FAT3: variants seen among roughly 807,000 people sequenced by gnomAD.
FAT3 encodes protocadherin Fat 3.
Under a neutral mutation model 310.2 loss-of-function variants are expected in FAT3, and 95 were observed. The ratio of observed to expected loss-of-function variants is 0.31; its 90% CI spans 0.26 to 0.36. The LOEUF (loss-of-function observed/expected upper bound fraction) is 0.36. Among genes scored for constraint, FAT3 ranks in the 10% least tolerant of loss-of-function variants. FAT3 has a pLI of 1.00. For missense variants in FAT3, 5,408 were observed against 5,715.6 expected, an observed-to-expected ratio of 0.95 and a Z score of 1.74; for synonymous variants, 2,314 against 2,192.9, an observed-to-expected ratio of 1.06 and a Z score of -1.54.
At chr11:92,665,149 A>G (rs1323106020) in intron 3 of FAT3, among the ~76,000 whole-genome samples, 1 of 152,196 alleles carries the variant, frequency 6.6e-6, no homozygotes. Context: ...AAGAGGTTAG[A>G]AGAATCTCTG....
At chr11:92,705,776 G>GGTGGT (rs1944311060) in intron 4 of FAT3, among the ~76,000 whole-genome samples, 1 of 2,970 alleles carries the variant, frequency 3.4e-4, no homozygotes, top group Non-Finnish European at 6.9e-4. Flanking sequence ...TGATGGTGGT[G>GGTGGT]GTGATGGTGG....
At chr11:92,385,769 G>GT (rs1949605750) in intron 2 of FAT3, among the ~76,000 whole-genome samples, 1 of 152,286 alleles carries the variant, frequency 6.6e-6, no homozygotes, top group East Asian at 1.9e-4. Context: ...TGGTCAGCCA[G>GT]TTTTTTACCT....
intron 2 of FAT3, among the ~76,000 whole-genome samples, chr11:92,496,083 C>A (rs866152790): frequency 6.6e-6 from 1 of 151,972 alleles, no homozygotes; most frequent in Non-Finnish European, 1.5e-5. Flanking sequence ...ATCTGTTGTG[C>A]GCATTTGGGT....
At chr11:92,482,241 A>G (rs953264785) in intron 2 of FAT3, among the ~76,000 whole-genome samples, 5 of 152,278 alleles carry the variant, frequency 3.3e-5, no homozygotes, top group Admixed American at 6.5e-5. Context: ...CATTATTACA[A>G]TGAATAGTCT....
At chr11:92,413,265 G>A in intron 2 of FAT3, among the ~76,000 whole-genome samples, 1 of 152,094 alleles carries the variant, frequency 6.6e-6, no homozygotes, top group East Asian at 1.9e-4. Flanking sequence ...CAGACAAGTG[G>A]GGCCCATGAT....
intron 2 of FAT3, among the ~76,000 whole-genome samples, chr11:92,486,168 A>G (rs1472797457): frequency 3.1e-5 from 1 of 31,852 alleles, no homozygotes; most frequent in African/African-American, 1.2e-4. Flanking sequence ...TGGTAGACTC[A>G]TCTTTGTTTT....
chr11:92,416,989 T>C (rs1565299953), intron 2 of FAT3, among the ~76,000 whole-genome samples: 1 of 152,206 alleles, frequency 6.6e-6, no homozygotes, highest in East Asian at 1.9e-4. Context: ...CTTTGGAAAA[T>C]ACCAGTCAGA....
At chr11:92,433,137 G>A (rs1950835155) in intron 2 of FAT3, among the ~76,000 whole-genome samples, 1 of 152,186 alleles carries the variant, frequency 6.6e-6, no homozygotes, top group African/African-American at 2.4e-5. Context: ...CTGACAGCGA[G>A]AATTTCAAGG....
intron 3 of FAT3, among the ~76,000 whole-genome samples, chr11:92,532,188 A>G (rs1954103380): frequency 6.6e-6 from 1 of 152,136 alleles, no homozygotes; most frequent in Non-Finnish European, 1.5e-5. Context: ...AATATTATTA[A>G]TAATAAAATG....
chr11:92,231,218 C>T (rs1870294), intron 1 of FAT3, among the ~76,000 whole-genome samples: 152,102 of 152,310 alleles, frequency 1, 75,948 homozygotes, highest in Non-Finnish European at 1. Flanking sequence ...GTTTGAGACT[C>T]AGTTATGAAT....
chr11:92,404,201 A>G (rs1338196976), intron 2 of FAT3, among the ~76,000 whole-genome samples: 1 of 152,120 alleles, frequency 6.6e-6, no homozygotes, highest in Non-Finnish European at 1.5e-5. Flanking sequence ...CAGTCCCTAC[A>G]CTACCACAGA....
intron 18 of FAT3, among the ~76,000 whole-genome samples, chr11:92,841,670 A>G: frequency 6.6e-6 from 1 of 152,196 alleles, no homozygotes; most frequent in East Asian, 1.9e-4. Flanking sequence ...AGAAACTAGG[A>G]CAGTTTGCCT....
intron 3 of FAT3, among the ~76,000 whole-genome samples, chr11:92,554,736 G>C (rs1180725892): frequency 6.6e-6 from 1 of 152,048 alleles, no homozygotes; most frequent in African/African-American, 2.4e-5. Context: ...ATACATGCTG[G>C]TTACAGGCAA....
intron 3 of FAT3, among the ~76,000 whole-genome samples, chr11:92,626,478 T>C (rs1306978172): frequency 5.9e-5 from 9 of 152,104 alleles, no homozygotes; most frequent in Admixed American, 6.6e-5. Flanking sequence ...TCTCTTTTTT[T>C]TTTTTTCCCT....
chr11:92,645,003 T>G (rs577266225), intron 3 of FAT3, among the ~76,000 whole-genome samples: 1 of 152,298 alleles, frequency 6.6e-6, no homozygotes, highest in East Asian at 1.9e-4. Context: ...TGTCAGCACT[T>G]TCCTCTAACA....
rs2136413818 is a variant in FAT3, at chr11:92,883,099, A to G, written c.12643A>G (p.Ser4215Gly). The G allele has an allele frequency of 6.2e-7, 1 of 1,613,814 alleles. No homozygotes were observed. Among genetic ancestry groups the G allele is most frequent in the Non-Finnish European group, 8.5e-7 (1 of 1,179,880 alleles). ...NGIPFRNLRG[S>G]GDGRNVYQEV... ...CATCCCGTTCCGGAACCTGCGCGGC[A>G]GTGGGGACGGCCGCAACGTCTACCA... The change falls in exon 24 of 28, where the codon AGT (serine) becomes GGT (glycine). Residue 4215 changes from serine (S) to glycine (G), a missense_variant. This residue lies in a region of FAT3 where 649 missense variants were observed against 666.2 expected (regional missense o/e 0.97). Transcript: ENST00000525166. This position sits in a 1 kb window ranked among gnomAD's most constrained non-coding sequence, Gnocchi z 4.2.
intron 3 of FAT3, among the ~76,000 whole-genome samples, chr11:92,544,814 G>A (rs1011201090): frequency 6.6e-6 from 1 of 152,174 alleles, no homozygotes; most frequent in African/African-American, 2.4e-5. Flanking sequence ...AGAGGGAACA[G>A]CCTTTCCTAT....
intron 2 of FAT3, among the ~76,000 whole-genome samples, chr11:92,481,194 G>A (rs1952215752): frequency 6.6e-6 from 1 of 152,138 alleles, no homozygotes; most frequent in Non-Finnish European, 1.5e-5. Flanking sequence ...CAGTTAAAAG[G>A]AATTGTGCTG....
intron 2 of FAT3, among the ~76,000 whole-genome samples, chr11:92,398,682 C>G (rs1949943511): frequency 6.6e-6 from 1 of 152,072 alleles, no homozygotes; most frequent in South Asian, 2.1e-4. Flanking sequence ...GGGCTCCAAC[C>G]TATTGTGTTT....
Sources: allele counts gnomAD v4.1 joint callset (sites outside exome capture counted in the v4.1 genomes callset), GRCh38; gene constraint gnomAD v4.1.1; regional missense constraint gnomAD v4.1.1; non-coding constraint Gnocchi (gnomAD v3.1); transcripts MANE v1.5; gene names NCBI Gene and HGNC (gene_info 2026-07-23, HGNC 2026-07-21).